The following TRMT9B variants were observed in gnomAD, a reference collection of about 807,000 sequenced individuals.
The protein encoded by TRMT9B is probable tRNA methyltransferase 9B.
A neutral mutation model predicts 11.5 loss-of-function variants in TRMT9B; 16 were observed. The ratio of observed to expected loss-of-function variants is 1.39; its 90% CI spans 0.94 to 2.11. The LOEUF (loss-of-function observed/expected upper bound fraction) is 2.11, where lower values mean the gene tolerates loss of function less well. TRMT9B is among the 30% of genes most tolerant of loss of function. The pLI, the probability that TRMT9B is intolerant of heterozygous loss-of-function variation, is 0.00. For synonymous variants in TRMT9B, 274 were observed against 192.4 expected, an observed-to-expected ratio of 1.42 and a Z score of -3.51; for missense variants, 941 against 553.8, an observed-to-expected ratio of 1.70 and a Z score of -7.02.
chr8:12,995,994 C>A (rs1013278248), intron 2 of TRMT9B, among the ~76,000 whole-genome samples: 1 of 152,128 alleles, frequency 6.6e-6, no homozygotes, highest in Non-Finnish European at 1.5e-5. Flanking sequence ...TGAAAATTGT[C>A]TTAACGAGTA....
intron 1 of TRMT9B, chr8:12,952,699 A>C: frequency 3.0e-6 from 3 of 983,932 alleles, no homozygotes; most frequent in Non-Finnish European, 3.6e-6. Flanking sequence ...ATGCCAAAAT[A>C]GGAAGGTAAG....
intron 2 of TRMT9B, among the ~76,000 whole-genome samples, chr8:12,997,295 T>TGG (rs34073090): frequency 0.34 from 51,307 of 151,490 alleles, 9,641 homozygotes; most frequent in Middle Eastern, 0.53. Context: ...ACATGAGAGC[T>TGG]GGTTGTTTAA....
At chr8:12,964,391 C>T (rs1310297277) in intron 1 of TRMT9B, among the ~76,000 whole-genome samples, 1 of 152,166 alleles carries the variant, frequency 6.6e-6, no homozygotes, top group Non-Finnish European at 1.5e-5. Flanking sequence ...TTCCATCCTG[C>T]CGCAGGAACT....
intron 1 of TRMT9B, among the ~76,000 whole-genome samples, chr8:12,954,597 G>A (rs1165053357): frequency 2.0e-5 from 3 of 152,136 alleles, no homozygotes; most frequent in African/African-American, 4.8e-5. Context: ...GTTTTTACTC[G>A]TAGATAAATT....
rs548588777 is a variant in TRMT9B at position 13,007,312 on chromosome 8, T to C, written c.154+956T>C. On this transcript the variant is annotated intron_variant, in intron 3 of 4. Transcript: ENST00000524591. ...AATAACTTATTTGTCTGGAGGACGT[T>C]GGTTCAGTATCTTCGTAAATCAAGA... 5 of 152,358 alleles carry C rather than the reference T, an allele frequency of 3.3e-5. No individual in the cohort carries two copies. The South Asian group carries it at 1.0e-3, about 32-fold the overall frequency. The allele number at this position is 152,358 out of a possible 1,614,324, so 9.4% of individuals were successfully genotyped here. A position where few individuals can be genotyped will look rare whatever the true frequency, so the allele number is the denominator to read the frequency against.
chr8:12,950,537 T>TTTTTTC (rs140867873), intron 1 of TRMT9B, among the ~76,000 whole-genome samples: 1 of 149,358 alleles, frequency 6.7e-6, no homozygotes, highest in Non-Finnish European at 1.5e-5. Flanking sequence ...ACTCGTGGTT[T>TTTTTTC]TTTCTTTCTT....
rs538089227 is a variant in TRMT9B at position 13,023,892 on chromosome 8, T to C, written c.*1848T>C. 3 of 167,076 alleles carry C rather than the reference T, an allele frequency of 1.8e-5. No homozygotes were observed. Among genetic ancestry groups the C allele is most frequent in the African/African-American group, 7.2e-5 (3 of 41,534 alleles). 10.3% of individuals were successfully genotyped at this position (167,076 alleles called of 1,614,324 possible). On this transcript the variant is annotated 3_prime_UTR_variant, in exon 5 of 5. Transcript: ENST00000524591. Reference sequence around the variant, plus strand: ...ACTCTCTTTTGGCTTCAAAATAAGATTGTGTTATCACCATTTTGGTAGATG... The same window carrying C: ...ACTCTCTTTTGGCTTCAAAATAAGACTGTGTTATCACCATTTTGGTAGATG...
intron 1 of TRMT9B, among the ~76,000 whole-genome samples, chr8:12,973,285 C>T (rs1803912580): frequency 6.6e-6 from 1 of 152,130 alleles, no homozygotes. Context: ...GCTCTGGGTG[C>T]CCCTTCCCTT....
rs1396409788 is a variant in TRMT9B, at chr8:13,024,626, G to C, written c.*2582G>C. The C allele has an allele frequency of 6.0e-6, 1 of 167,038 alleles. No homozygotes were observed. The highest frequency in any genetic ancestry group is 1.9e-4 in the East Asian group (1 of 5,202). 10.3% of individuals were successfully genotyped at this position (167,038 alleles called of 1,614,324 possible). Reference sequence around the variant, plus strand: ...CAGTTTACCAGACTCTTTAGCCTTTGAGCTAAACTGTCTGAGCAACCTCTT... The same window carrying C: ...CAGTTTACCAGACTCTTTAGCCTTTCAGCTAAACTGTCTGAGCAACCTCTT... On this transcript the variant is annotated 3_prime_UTR_variant, in exon 5 of 5. Coordinates refer to ENST00000524591, the MANE Select transcript of TRMT9B (RefSeq NM_020844.3).
intron 1 of TRMT9B, among the ~76,000 whole-genome samples, chr8:12,984,987 A>ACACACT (rs796741741): frequency 1.2e-4 from 15 of 129,110 alleles, no homozygotes; most frequent in South Asian, 2.6e-4. Flanking sequence ...ACACACACAC[A>ACACACT]CTCTCTCTCT....
At chr8:13,020,031 C>A (rs1412014928) in intron 4 of TRMT9B, among the ~76,000 whole-genome samples, 4 of 152,132 alleles carry the variant, frequency 2.6e-5, no homozygotes, top group Non-Finnish European at 4.4e-5. Flanking sequence ...TACACAACCC[C>A]ATTTTTGATA....
In TRMT9B at chr8:13,021,134, A is replaced by G. The variant is rs1813759382; in HGVS notation, c.455A>G (p.Glu152Gly). The G allele has an allele frequency of 6.2e-7, 1 of 1,613,630 alleles. No individual in the cohort carries two copies. The highest frequency in any genetic ancestry group is 1.7e-5 in the Admixed American group (1 of 59,946). ...ATGGAACAAAAGAACCGTCACTTTG[A>G]GAAGCAAGACGTGCTTGTTCCATGG... ...WAMEQKNRHF[E>G]KQDVLVPWNR... The change falls in exon 5 of 5, where the codon GAG becomes GGG. Residue 152 changes from glutamate to glycine, a missense_variant. Glu to Gly is a moderately conservative substitution (Grantham distance 98). Transcript: ENST00000524591.
At chr8:12,975,825 A>T (rs1804360402) in intron 1 of TRMT9B, among the ~76,000 whole-genome samples, 1 of 152,184 alleles carries the variant, frequency 6.6e-6, no homozygotes, top group Non-Finnish European at 1.5e-5. Flanking sequence ...ATGATAATCC[A>T]CCACCACCAT....
At chr8:12,957,951 C>A (rs1159635773) in intron 1 of TRMT9B, among the ~76,000 whole-genome samples, 1 of 152,150 alleles carries the variant, frequency 6.6e-6, no homozygotes, top group Admixed American at 6.5e-5. Context: ...CTCCCCATCC[C>A]TCCTCCTCAC....
chr8:12,993,456 T>C (rs2128880351), intron 2 of TRMT9B, among the ~76,000 whole-genome samples: 1 of 152,308 alleles, frequency 6.6e-6, no homozygotes. Flanking sequence ...AAGTGGACAT[T>C]AACAGAGAAG....
intron 1 of TRMT9B, among the ~76,000 whole-genome samples, chr8:12,985,576 C>G (rs548130095): frequency 6.6e-6 from 1 of 152,298 alleles, no homozygotes; most frequent in South Asian, 2.1e-4. Context: ...CTGAATTAGT[C>G]TGTAGCTTTG....
chr8:13,004,345 G>A (rs988325719), intron 2 of TRMT9B, among the ~76,000 whole-genome samples: 1 of 151,824 alleles, frequency 6.6e-6, no homozygotes, highest in African/African-American at 2.4e-5. Context: ...GGGCTGCTAA[G>A]GGAGTGCTTG....
Position 13,021,157 on chromosome 8 carries a change from T to C in TRMT9B, c.478T>C (p.Trp160Arg), listed in dbSNP as rs1563454669. Reference sequence around the variant, plus strand: ...TGAGAAGCAAGACGTGCTTGTTCCATGGAACAGGGCTCTGTGTTCCCAGCT... The same window carrying C: ...TGAGAAGCAAGACGTGCTTGTTCCACGGAACAGGGCTCTGTGTTCCCAGCT... The part of the protein sequence containing the change: ...HFEKQDVLVP[W>R]NRALCSQLFS... Residue 160 changes from tryptophan (W) to arginine (R), a missense_variant, in exon 5 of 5, where the codon TGG (tryptophan) becomes CGG (arginine). Coordinates refer to ENST00000524591, the MANE Select transcript of TRMT9B (RefSeq NM_020844.3). 1.2e-6 allele frequency: 2 copies of C among 1,613,962 alleles called. No homozygotes were observed. Among genetic ancestry groups the C allele is most frequent in the Non-Finnish European group, 1.7e-6 (2 of 1,179,848 alleles).
intron 1 of TRMT9B, among the ~76,000 whole-genome samples, chr8:12,972,963 AG>A (rs1803861944): frequency 6.6e-6 from 1 of 152,176 alleles, no homozygotes; most frequent in African/African-American, 2.4e-5. Flanking sequence ...GTGAACCTCC[AG>A]GCCATTTAAA....
Sources: allele counts gnomAD v4.1 joint callset (sites outside exome capture counted in the v4.1 genomes callset), GRCh38; gene constraint gnomAD v4.1.1; transcripts MANE v1.5; gene names NCBI Gene and HGNC (gene_info 2026-07-23, HGNC 2026-07-21).